ARID3B: variants seen among roughly 807,000 people sequenced by gnomAD.
ARID3B encodes AT-rich interaction domain 3B.
Under a neutral mutation model 51.9 loss-of-function variants are expected in ARID3B, and 10 were observed. The ratio of observed to expected loss-of-function variants is 0.19; its 90% CI spans 0.12 to 0.33. The LOEUF is 0.33. ARID3B is among the 10% of genes least tolerant of loss of function. ARID3B has a pLI of 1.00. For missense variants in ARID3B, 483 were observed against 716.3 expected (o/e 0.67, Z 3.72); for synonymous variants, 205 against 279.5 (o/e 0.73, Z 2.66).
At chr15:74,594,481 C>T (rs1262670876) in intron 8 of ARID3B, among the ~76,000 whole-genome samples, 1 of 152,210 alleles carries the variant, frequency 6.6e-6, no homozygotes, top group Non-Finnish European at 1.5e-5. Context: ...GAGTGGGGGC[C>T]ACCAGGCCTG....
intron 1 of ARID3B, among the ~76,000 whole-genome samples, chr15:74,541,546 A>T (rs2061595138): frequency 6.6e-6 from 1 of 151,806 alleles, no homozygotes; most frequent in Non-Finnish European, 1.5e-5. Flanking sequence ...AGATAAAGCG[A>T]TGAGAAGGGT....
intron 2 of ARID3B, among the ~76,000 whole-genome samples, chr15:74,570,817 A>G (rs573417411): frequency 6.6e-6 from 1 of 152,238 alleles, no homozygotes; most frequent in African/African-American, 2.4e-5. Flanking sequence ...TCATTGTGCT[A>G]GTTGCCACCA....
Position 74,591,724 on chromosome 15 carries a change from G to C in ARID3B, c.1330G>C (p.Glu444Gln). 1 of 1,614,198 alleles carries C rather than the reference G, an allele frequency of 6.2e-7. No homozygotes were observed. Among genetic ancestry groups the C allele is most frequent in the Non-Finnish European group, 8.5e-7 (1 of 1,180,038 alleles). Residue 444 changes from glutamate (E) to glutamine (Q), a missense_variant, in exon 7 of 9, where the codon GAG (glutamate) becomes CAG (glutamine). Physicochemically the swap from Glu to Gln is conservative, Grantham distance 29. Around this residue, in one of 3 missense-constraint regions of ARID3B, gnomAD observed 265 missense variants for 354.4 expected, o/e 0.75. Transcript: ENST00000346246. The surrounding 1 kb of genome is among the most constrained non-coding windows in gnomAD (Gnocchi z 5.8). ...AEKKASRLSE[E>Q]EQRLVQQAFQ... ...GAAGAAGGCATCGAGGCTGTCTGAG[G>C]AGGAGCAGCGCCTGGTGCAGCAGGC...
Position 74,594,148 on chromosome 15 carries a change from C to A in ARID3B, c.1519+912C>A, listed in dbSNP as rs1285824783. ...CGAGCTTGGGAACAAGCCCACCTGA[C>A]TCTTGTTAAGCACAGCATTGCTGGG... is the stretch of plus-strand genomic sequence containing the variant. On this transcript the variant is annotated intron_variant, in intron 8 of 8. Coordinates refer to ENST00000346246, the MANE Select transcript of ARID3B (RefSeq NM_006465.4). Among the ~76,000 whole-genome samples the A allele has an allele frequency of 1.1e-4, 16 of 152,094 alleles. 1 individual carries two copies. Among genetic ancestry groups the A allele is most frequent in the Non-Finnish European group, 2.9e-5 (2 of 68,008 alleles).
chr15:74,577,934 C>T (rs749627377), intron 4 of ARID3B, among the ~76,000 whole-genome samples: 4 of 152,050 alleles, frequency 2.6e-5, no homozygotes, highest in African/African-American at 4.8e-5. Context: ...CTCAGCTTAC[C>T]GCAACCTTCC....
intron 2 of ARID3B, among the ~76,000 whole-genome samples, chr15:74,567,108 C>G (rs972846544): frequency 6.6e-6 from 1 of 152,152 alleles, no homozygotes; most frequent in Non-Finnish European, 1.5e-5. Flanking sequence ...ACTGCCTCCC[C>G]ACTGTTCACA....
At chr15:74,559,480 A>G (rs1239193034) in intron 2 of ARID3B, among the ~76,000 whole-genome samples, 5 of 152,128 alleles carry the variant, frequency 3.3e-5, no homozygotes, top group African/African-American at 9.7e-5. Flanking sequence ...TTATGTGCCA[A>G]GTACCTTATT....
At chr15:74,562,120 C>A (rs368194296) in intron 2 of ARID3B, among the ~76,000 whole-genome samples, 1 of 148,450 alleles carries the variant, frequency 6.7e-6, no homozygotes, top group South Asian at 2.1e-4. Flanking sequence ...TTTCCGACAA[C>A]GGTATTTTCT....
intron 2 of ARID3B, among the ~76,000 whole-genome samples, chr15:74,546,259 C>G (rs2061615242): frequency 6.6e-6 from 1 of 152,178 alleles, no homozygotes; most frequent in South Asian, 2.1e-4. Flanking sequence ...TGCCCCCGCA[C>G]TGCTGTGTGG....
At chr15:74,579,268 G>C (rs1421853975) in intron 4 of ARID3B, among the ~76,000 whole-genome samples, 1 of 152,188 alleles carries the variant, frequency 6.6e-6, no homozygotes, top group Admixed American at 6.5e-5. Flanking sequence ...GGGGTGACTT[G>C]CACCTTGGCG....
intron 7 of ARID3B, among the ~76,000 whole-genome samples, chr15:74,592,846 G>T (rs1329669051): frequency 6.6e-6 from 1 of 152,190 alleles, no homozygotes; most frequent in Non-Finnish European, 1.5e-5. Flanking sequence ...CCGTCACTTG[G>T]AAAGTGCCAG....
At chr15:74,575,227 T>G (rs1413354328) in intron 4 of ARID3B, among the ~76,000 whole-genome samples, 1 of 152,106 alleles carries the variant, frequency 6.6e-6, no homozygotes, top group Non-Finnish European at 1.5e-5. Context: ...GCAGTGGAGC[T>G]CCACTGCTTT....
In ARID3B at chr15:74,596,714, G is replaced by C. The variant is rs1440635819; in HGVS notation, c.*940G>C. The C allele has an allele frequency of 4.3e-6, 1 of 233,526 alleles. No individual in the cohort carries two copies. Among genetic ancestry groups the C allele is most frequent in the African/African-American group, 2.2e-5 (1 of 45,334 alleles). 14.5% of individuals were successfully genotyped at this position (233,526 alleles called of 1,614,324 possible). On this transcript the variant is annotated 3_prime_UTR_variant, in exon 9 of 9. Transcript: ENST00000346246. Reference sequence around the variant, plus strand: ...ATGTCAGGTTCATTGAAATACCTCAGATTTGTAATTGTTGATGTTTGAGTC... The same window carrying C: ...ATGTCAGGTTCATTGAAATACCTCACATTTGTAATTGTTGATGTTTGAGTC...
At chr15:74,566,735 T>C (rs2061700325) in intron 2 of ARID3B, among the ~76,000 whole-genome samples, 1 of 152,102 alleles carries the variant, frequency 6.6e-6, no homozygotes, top group African/African-American at 2.4e-5. Flanking sequence ...TCGTGACAAA[T>C]GGTTCAGATT....
Position 74,591,452 on chromosome 15 carries a change from G to A in ARID3B, c.1165+18G>A. 1 of 1,597,954 alleles carries A rather than the reference G, an allele frequency of 6.3e-7. No individual in the cohort carries two copies. Among genetic ancestry groups the A allele is most frequent in the Non-Finnish European group, 8.6e-7 (1 of 1,168,062 alleles). ...CAGGAAAGGTCAGCAGGGCTCCTGG[G>A]GGAGAAGGAAGAAAGGGAGGAAGGG... is the stretch of plus-strand genomic sequence containing the variant. On this transcript the variant is annotated intron_variant, in intron 6 of 8. Transcript: ENST00000346246. This position sits in a 1 kb window ranked among gnomAD's most constrained non-coding sequence, Gnocchi z 5.8.
At chr15:74,547,208 G>C (rs61019088) in intron 2 of ARID3B, among the ~76,000 whole-genome samples, 1 of 151,576 alleles carries the variant, frequency 6.6e-6, no homozygotes, top group East Asian at 1.9e-4. Context: ...GCCCAGGCTG[G>C]AGTGCAGTGG....
chr15:74,571,713 A>G (rs1275488791), intron 2 of ARID3B, among the ~76,000 whole-genome samples: 1 of 152,238 alleles, frequency 6.6e-6, no homozygotes, highest in Non-Finnish European at 1.5e-5. Context: ...TTCCCAAGTA[A>G]TATGTTAAAA....
intron 4 of ARID3B, among the ~76,000 whole-genome samples, chr15:74,585,573 C>T (rs543915019): frequency 1.3e-5 from 2 of 152,298 alleles, no homozygotes; most frequent in Admixed American, 6.5e-5. Context: ...TTATATCTTG[C>T]TGGTTTGAAG....
intron 2 of ARID3B, among the ~76,000 whole-genome samples, chr15:74,556,545 T>C (rs2061658477): frequency 6.6e-6 from 1 of 152,212 alleles, no homozygotes; most frequent in Non-Finnish European, 1.5e-5. Flanking sequence ...ATTGGTACCT[T>C]AGAAATTCTA....
Sources: allele counts gnomAD v4.1 joint callset (sites outside exome capture counted in the v4.1 genomes callset), GRCh38; gene constraint gnomAD v4.1.1; regional missense constraint gnomAD v4.1.1; non-coding constraint Gnocchi (gnomAD v3.1); transcripts MANE v1.5; gene names NCBI Gene and HGNC (gene_info 2026-07-23, HGNC 2026-07-21).